RALGPS1: variants seen among roughly 807,000 people sequenced by gnomAD.
RALGPS1 encodes the protein ras-specific guanine nucleotide-releasing factor RalGPS1.
A neutral mutation model predicts 78.8 loss-of-function variants in RALGPS1; 19 were observed. The ratio of observed to expected loss-of-function variants is 0.24; its 90% CI spans 0.17 to 0.35. RALGPS1 has a LOEUF of 0.35. Ranked by LOEUF, RALGPS1 falls within the 10% of genes least tolerant of loss-of-function variation. The pLI is 1.00. For synonymous variants in RALGPS1, 228 were observed against 256.3 expected (o/e 0.89, Z 1.06); for missense variants, 454 against 688.3 (o/e 0.66, Z 3.81).
intron 4 of RALGPS1, among the ~76,000 whole-genome samples, chr9:127,017,243 A>G (rs1022380305): frequency 2.0e-5 from 3 of 152,260 alleles, no homozygotes; most frequent in Non-Finnish European, 4.4e-5. Flanking sequence ...AGCCTACTAT[A>G]CATTTAGGTG....
chr9:126,952,544 G>C (rs1455494325), intron 1 of RALGPS1, among the ~76,000 whole-genome samples: 1 of 152,086 alleles, frequency 6.6e-6, no homozygotes, highest in Non-Finnish European at 1.5e-5. Flanking sequence ...TTGAACTCCT[G>C]GCAGGAGGTC....
chr9:126,949,302 A>C (rs1199980096), intron 1 of RALGPS1, among the ~76,000 whole-genome samples: 3 of 152,192 alleles, frequency 2.0e-5, no homozygotes, highest in African/African-American at 7.2e-5. Flanking sequence ...TAGCAGCATG[A>C]TTTATAGTCC....
intron 3 of RALGPS1, among the ~76,000 whole-genome samples, chr9:126,975,484 C>A (rs1391395282): frequency 6.6e-6 from 1 of 152,194 alleles, no homozygotes; most frequent in Non-Finnish European, 1.5e-5. Context: ...TGCCGGTTCT[C>A]CCGGATAGGG....
rs551469298 is a variant in RALGPS1, at chr9:127,058,674, C to T, written c.483+5735C>T. On this transcript the variant is annotated intron_variant, in intron 7 of 18. Transcript: ENST00000259351. ...TAGAGTGATCTCAAGAGGAGACTGA[C>T]TGCTTTGTGAGTGATCTAAGGGTAT... 2.0e-5 allele frequency among the ~76,000 whole-genome samples: 3 copies of T among 152,260 alleles called. No individual in the cohort carries two copies. In the East Asian group the frequency reaches 5.8e-4, roughly 29 times the overall value.
intron 4 of RALGPS1, among the ~76,000 whole-genome samples, chr9:127,001,029 CTT>C (rs1457685477): frequency 6.6e-6 from 1 of 151,592 alleles, no homozygotes; most frequent in Non-Finnish European, 1.5e-5. Context: ...AATCCCAACA[CTT>C]TGGGAGGCTG....
chr9:126,990,903 G>A (rs1280439907), intron 4 of RALGPS1, among the ~76,000 whole-genome samples: 1 of 152,170 alleles, frequency 6.6e-6, no homozygotes, highest in Non-Finnish European at 1.5e-5. Flanking sequence ...CATTTAGGAT[G>A]TAGCAGTAGT....
chr9:126,934,065 T>C (rs1361510491), intron 1 of RALGPS1, among the ~76,000 whole-genome samples: 1 of 152,176 alleles, frequency 6.6e-6, no homozygotes, highest in East Asian at 1.9e-4. Context: ...CAAAGCATGA[T>C]GGGAAAGGAA....
At chr9:127,134,050 C>CTTCACGTAAGAAAGAAAATA (rs1316498825) in intron 8 of RALGPS1, among the ~76,000 whole-genome samples, 20 of 152,020 alleles carry the variant, frequency 1.3e-4, no homozygotes, top group Non-Finnish European at 8.8e-5. Flanking sequence ...CAGAGAGGAG[C>CTTCACGTAAGAAAGAAAATA]TTCACGTAAG....
At chr9:127,177,958 C>A (rs887461472) in intron 11 of RALGPS1, 1 of 1,547,660 alleles carries the variant, frequency 6.5e-7, no homozygotes, top group Non-Finnish European at 8.7e-7. Context: ...TGGCAGGGGA[C>A]AGAATGGACC....
rs142455029 is a variant in RALGPS1 at position 127,192,299 on chromosome 9, G to A, written c.911-2792G>A. ...GGGAGGAGAGAAGAGGCAAGTTGCC[G>A]TGTGGCAGGAGCCGAGGGTGGGCTC... On this transcript the variant is annotated intron_variant, in intron 11 of 18. Transcript: ENST00000259351. Among the ~76,000 whole-genome samples, 430 of 152,368 alleles carry A rather than the reference G, an allele frequency of 2.8e-3. 3 individuals are homozygous for A. Among genetic ancestry groups the A allele is most frequent in the African/African-American group, 9.9e-3 (411 of 41,590 alleles).
rs1204730862 is a variant in RALGPS1 at position 127,212,589 on chromosome 9, C to T, written c.1354-38C>T. On this transcript the variant is annotated intron_variant, in intron 15 of 18. Transcript: ENST00000259351. This position sits in a 1 kb window ranked among gnomAD's most constrained non-coding sequence, Gnocchi z 6.0. ...GGCCAGGGATCCTCTACCCCCACGA[C>T]CCCTGGTGGCATCACTCAGCCTCCC... The T allele has an allele frequency of 1.4e-6, 2 of 1,459,866 alleles. No homozygotes were observed. The highest frequency in any genetic ancestry group is 1.9e-6 in the Non-Finnish European group (2 of 1,048,546). 90.4% of individuals were successfully genotyped at this position (1,459,866 alleles called of 1,614,324 possible). A position where few individuals can be genotyped will look rare whatever the true frequency, so the allele number is the denominator to read the frequency against.
chr9:127,039,365 T>G (rs1405183401), intron 5 of RALGPS1, among the ~76,000 whole-genome samples: 1 of 152,172 alleles, frequency 6.6e-6, no homozygotes, highest in Non-Finnish European at 1.5e-5. Flanking sequence ...TCCTTTGATT[T>G]TAGCAGCAAG....
intron 11 of RALGPS1, 138 bp downstream of exon 11, chr9:127,174,920 C>T (rs1028240722): frequency 5.8e-6 from 4 of 693,502 alleles, no homozygotes; most frequent in African/African-American, 3.5e-5. Context: ...TCACAGCCCT[C>T]CTGCACCAGC....
intron 7 of RALGPS1, among the ~76,000 whole-genome samples, chr9:127,062,355 C>T (rs1305067353): frequency 6.6e-6 from 1 of 152,176 alleles, no homozygotes; most frequent in East Asian, 1.9e-4. Context: ...ACCTCAGCCT[C>T]CCAAAGTGCT....
At chr9:127,004,982 G>C (rs1227364694) in intron 4 of RALGPS1, among the ~76,000 whole-genome samples, 1 of 152,224 alleles carries the variant, frequency 6.6e-6, no homozygotes, top group Non-Finnish European at 1.5e-5. Context: ...CCAAGCAAAA[G>C]AAGTCACTCT....
chr9:127,183,372 G>GC lies in RALGPS1; in HGVS notation c.910+8597dup, dbSNP rs756544381. Among the ~76,000 whole-genome samples the GC allele has an allele frequency of 4.0e-4, 61 of 152,086 alleles. 1 individual carries two copies. Among genetic ancestry groups the GC allele is most frequent in the Middle Eastern group, 3.4e-3 (1 of 294 alleles). On this transcript the variant is annotated intron_variant, in intron 11 of 18. Coordinates refer to ENST00000259351, the MANE Select transcript of RALGPS1 (RefSeq NM_014636.3). The surrounding 1 kb of genome is among the most constrained non-coding windows in gnomAD (Gnocchi z 4.0). Reference sequence around the variant, plus strand: ...TGGGGACCCCTGCAGCCCCTTCCATGCCCCCCCGCAAAGTCTGGTGCCCAC... The same window carrying GC: ...TGGGGACCCCTGCAGCCCCTTCCATGCCCCCCCCGCAAAGTCTGGTGCCCAC...
intron 8 of RALGPS1, among the ~76,000 whole-genome samples, chr9:127,083,727 C>A (rs1016530614): frequency 6.6e-6 from 1 of 152,148 alleles, no homozygotes; most frequent in Non-Finnish European, 1.5e-5. Flanking sequence ...TTTTCTTTTC[C>A]CAGTCAAAGC....
intron 8 of RALGPS1, among the ~76,000 whole-genome samples, chr9:127,127,856 G>GAAA (rs11450591): frequency 6.7e-6 from 1 of 149,396 alleles, no homozygotes; most frequent in Non-Finnish European, 1.5e-5. Context: ...CGATTGTCCT[G>GAAA]AAAAAAAAAA....
intron 7 of RALGPS1, among the ~76,000 whole-genome samples, chr9:127,062,873 A>G (rs909767501): frequency 2.0e-5 from 3 of 152,156 alleles, no homozygotes; most frequent in African/African-American, 7.2e-5. Flanking sequence ...AGAAATGGGT[A>G]TTTTGCATCC....
Sources: gnomAD v4.1 joint callset for allele counts (sites outside exome capture counted in the v4.1 genomes callset) on GRCh38, gnomAD v4.1.1 for gene constraint, Gnocchi (gnomAD v3.1) non-coding constraint, MANE v1.5 for transcripts, NCBI Gene and HGNC (gene_info 2026-07-23, HGNC 2026-07-21) for gene names.